CCDC183: variants seen among roughly 807,000 people sequenced by gnomAD.
The protein encoded by CCDC183 is coiled-coil domain containing 183, also known as coiled-coil domain-containing protein 183.
In CCDC183, 63 loss-of-function variants were observed where a neutral mutation model predicts 65.2. The ratio of observed to expected loss-of-function variants is 0.97; its 90% CI spans 0.79 to 1.19. The LOEUF (loss-of-function observed/expected upper bound fraction) is 1.19. CCDC183 is among the 50% of genes most tolerant of loss of function. The pLI, the probability that CCDC183 is intolerant of heterozygous loss-of-function variation, is 0.00. For missense variants in CCDC183, 769 were observed against 689.3 expected (o/e 1.12, Z -1.30); for synonymous variants, 323 against 276.5 (o/e 1.17, Z -1.67).
At position 136,806,584 on chromosome 9, in the gene CCDC183, C is replaced by T. The variant is rs1479389159; in HGVS notation, c.1190C>T (p.Thr397Ile). ...CTCCAGCTGGCGCACAGCAACATGA[C>T]CAAGGGCCAGGAGCTGCTGCTGACC... ...ERLQLAHSNM[T>I]KGQELLLTIQ... Residue 397 changes from threonine to isoleucine, a missense_variant, in exon 11 of 14, where the codon ACC (threonine) becomes ATC (isoleucine). Physicochemically the swap from Thr to Ile is moderately conservative, Grantham distance 89 (BLOSUM62 -1). Transcript: ENST00000338005. 1.2e-6 allele frequency: 2 copies of T among 1,613,584 alleles called. No individual in the cohort carries two copies. The highest frequency in any genetic ancestry group is 1.7e-6 in the Non-Finnish European group (2 of 1,180,020).
chr9:136,804,267 G>A lies in CCDC183; in HGVS notation c.667-235G>A, dbSNP rs376581751. 73 of 524,314 alleles carry A rather than the reference G, an allele frequency of 1.4e-4. 1 individual carries two copies. Among genetic ancestry groups the A allele is most frequent in the East Asian group, 7.7e-4 (22 of 28,492 alleles). The allele number at this position is 524,314 out of a possible 1,614,324, so 32.5% of individuals were successfully genotyped here. A position where few individuals can be genotyped will look rare whatever the true frequency, so the allele number is the denominator to read the frequency against. ...GGCCAGGAGGCAGCTGGGGGCCAGCGGCTGGAGGGCAGCAGAGCGTCTGGG... is the reference window on the plus strand; with the variant it reads ...GGCCAGGAGGCAGCTGGGGGCCAGCAGCTGGAGGGCAGCAGAGCGTCTGGG... On this transcript the variant is annotated intron_variant, in intron 6 of 13. Coordinates refer to ENST00000338005, the MANE Select transcript of CCDC183 (RefSeq NM_001039374.5). The surrounding 1 kb of genome is among the most constrained non-coding windows in gnomAD (Gnocchi z 4.1).
intron 6 of CCDC183, chr9:136,803,848 C>G: frequency 6.4e-6 from 1 of 155,838 alleles, no homozygotes; most frequent in Non-Finnish European, 1.4e-5. Flanking sequence ...CAGGAGTCCA[C>G]GGAGGCGGCT....
chr9:136,807,671 C>A lies in CCDC183; in HGVS notation c.1586C>A (p.Ala529Asp), dbSNP rs1201637901. ...CTAATCGAGGGGAAGCTCAAGGCGG[C>A]CAAGAAAAAGAAGAAGTAGCCCCGC... Reference protein sequence around the residue: ...QRLIEGKLKAAKKKKK With the variant: ...QRLIEGKLKADKKKKK The change falls in exon 14 of 14, where the codon GCC becomes GAC. Residue 529 changes from alanine to aspartate, a missense_variant. Coordinates refer to ENST00000338005, the MANE Select transcript of CCDC183 (RefSeq NM_001039374.5). The A allele has an allele frequency of 6.2e-7, 1 of 1,602,598 alleles. No individual in the cohort carries two copies. The highest frequency in any genetic ancestry group is 8.5e-7 in the Non-Finnish European group (1 of 1,174,852).
In CCDC183 at chr9:136,807,081, A is replaced by G. The variant is rs1847872115; in HGVS notation, c.1486+15A>G. ...GGATATGATCGGTACAGGCCCCGGA[A>G]CTGGGGCCCGGGCTGCAGGCGGGTG... On this transcript the variant is annotated intron_variant, in intron 13 of 13. Transcript: ENST00000338005. 2 of 1,610,732 alleles carry G rather than the reference A, an allele frequency of 1.2e-6. No homozygotes were observed. The highest frequency in any genetic ancestry group is 1.7e-6 in the Non-Finnish European group (2 of 1,178,388).
chr9:136,804,898 C>T lies in CCDC183; in HGVS notation c.847+82C>T. 8.1e-7 allele frequency: 1 copy of T among 1,240,716 alleles called. No homozygotes were observed. The highest frequency in any genetic ancestry group is 2.4e-5 in the East Asian group (1 of 42,388). The allele number at this position is 1,240,716 out of a possible 1,614,324, so 76.9% of individuals were successfully genotyped here. On this transcript the variant is annotated intron_variant, in intron 8 of 13. Coordinates refer to ENST00000338005, the MANE Select transcript of CCDC183 (RefSeq NM_001039374.5). This position sits in a 1 kb window ranked among gnomAD's most constrained non-coding sequence, Gnocchi z 4.1. ...TGATTCAGGCCAACGGATCAAGTCA[C>T]CCTGAGGCCAGGTGTGACATGTGGT... is the stretch of plus-strand genomic sequence containing the variant.
In CCDC183 at chr9:136,804,525, G is replaced by A. The variant is rs11145892; in HGVS notation, c.690G>A (p.Ala230=). The A allele has an allele frequency of 4.8e-3, 7,772 of 1,613,208 alleles. 59 individuals are homozygous for A. The highest frequency in any genetic ancestry group is 0.032 in the African/African-American group (2,417 of 75,022). The stretch of plus-strand genomic sequence containing the variant: ...AGAGGAACATGAGGCAAAGGGAGGC[G>A]TCCTTCATCGAGGAGCGCCGGGCAA... ...EVKRNMRQRE[A]SFIEERRARE... The change falls in exon 7 of 14, where the codon GCG becomes GCA. Residue 230 remains alanine (A), a synonymous_variant. Transcript: ENST00000338005. This position sits in a 1 kb window ranked among gnomAD's most constrained non-coding sequence, Gnocchi z 4.1.
At chr9:136,807,189 T>C in intron 13 of CCDC183, 123 bp downstream of exon 13, 1 of 851,818 alleles carries the variant, frequency 1.2e-6, no homozygotes, top group Non-Finnish European at 1.9e-6. Context: ...GGTGCATCAG[T>C]TGTACCTGCA....
In CCDC183 at chr9:136,803,294, G is replaced by A. The variant is rs949625755; in HGVS notation, c.666+508G>A. On this transcript the variant is annotated intron_variant, in intron 6 of 13. Transcript: ENST00000338005. ...CAGGGCCCAGGGCTGGGGCCCCCCA[G>A]GGCGGGCTCTCTTGTGTCTTCTGGC... Among the ~76,000 whole-genome samples, 22 of 151,948 alleles carry A rather than the reference G, an allele frequency of 1.4e-4. 5 individuals carry two copies. The highest frequency in any genetic ancestry group is 5.1e-4 in the African/African-American group (21 of 41,362).
At chr9:136,798,128 C>T (rs571812579) in intron 1 of CCDC183, among the ~76,000 whole-genome samples, 1 of 152,162 alleles carries the variant, frequency 6.6e-6, no homozygotes, top group Non-Finnish European at 1.5e-5. Context: ...GCCTCAGCCT[C>T]CCGAGTAGCT....
intron 5 of CCDC183, 147 bp from the exon 6 acceptor site, chr9:136,802,517 C>T (rs952570899): frequency 1.4e-4 from 165 of 1,159,150 alleles, no homozygotes; most frequent in Non-Finnish European, 1.7e-4. Context: ...CTTTCATCAC[C>T]GTTGTGCCCA....
At position 136,804,910 on chromosome 9, in the gene CCDC183, G is replaced by A; in HGVS notation, c.847+94G>A. 1 of 1,093,626 alleles carries A rather than the reference G, an allele frequency of 9.1e-7. No homozygotes were observed. The highest frequency in any genetic ancestry group is 2.0e-5 in the Admixed American group (1 of 51,260). The allele number at this position is 1,093,626 out of a possible 1,614,324, so 67.7% of individuals were successfully genotyped here. ...ACGGATCAAGTCACCCTGAGGCCAG[G>A]TGTGACATGTGGTCGCCAGGGTGAA... is the stretch of plus-strand genomic sequence containing the variant. On this transcript the variant is annotated intron_variant, in intron 8 of 13. Transcript: ENST00000338005. This position sits in a 1 kb window ranked among gnomAD's most constrained non-coding sequence, Gnocchi z 4.1.
Position 136,806,814 on chromosome 9 carries a change from G to T in CCDC183, c.1336G>T (p.Gly446Trp), listed in dbSNP as rs1847863440. 3 of 1,613,512 alleles carry T rather than the reference G, an allele frequency of 1.9e-6. No homozygotes were observed. In the Admixed American group the frequency reaches 5.0e-5, roughly 27 times the overall value. Reference protein sequence around the residue: ...DLNSKLAYCEGKLTYLADRVQ... With the variant: ...DLNSKLAYCEWKLTYLADRVQ... ...GAACAGCAAGCTGGCGTACTGCGAG[G>T]GGAAGCTCACGTACCTGGCTGACAG... Residue 446 changes from glycine to tryptophan, a missense_variant, in exon 12 of 14, where the codon GGG becomes TGG. Transcript: ENST00000338005.
Position 136,804,330 on chromosome 9 carries a change from G to A in CCDC183, c.667-172G>A, listed in dbSNP as rs543524712. 193 of 858,140 alleles carry A rather than the reference G, an allele frequency of 2.2e-4. 1 individual carries two copies. Among genetic ancestry groups the A allele is most frequent in the Admixed American group, 4.3e-4 (15 of 34,974 alleles). 53.2% of individuals were successfully genotyped at this position (858,140 alleles called of 1,614,324 possible). On this transcript the variant is annotated intron_variant, in intron 6 of 13. Coordinates refer to ENST00000338005, the MANE Select transcript of CCDC183 (RefSeq NM_001039374.5). The surrounding 1 kb of genome is among the most constrained non-coding windows in gnomAD (Gnocchi z 4.1). ...CTGAGGCATGGGCAAGGAGGGCCGT[G>A]AGCTGAGGGGCCACGGGCACAAGTG... is the stretch of plus-strand genomic sequence containing the variant.
In CCDC183 at chr9:136,806,799, C is replaced by T; in HGVS notation, c.1321C>T (p.Leu441=). 6.2e-7 allele frequency: 1 copy of T among 1,613,690 alleles called. No individual in the cohort carries two copies. Among genetic ancestry groups the T allele is most frequent in the Non-Finnish European group, 8.5e-7 (1 of 1,180,036 alleles). ...LSNTLDLNSK[L]AYCEGKLTYL... ...CAACACCCTCGATTTGAACAGCAAG[C>T]TGGCGTACTGCGAGGGGAAGCTCAC... Residue 441 remains leucine, a synonymous_variant, in exon 12 of 14, where the codon CTG becomes TTG. Coordinates refer to ENST00000338005, the MANE Select transcript of CCDC183 (RefSeq NM_001039374.5).
intron 8 of CCDC183, chr9:136,805,106 C>T (rs756183208): frequency 1.2e-4 from 74 of 592,550 alleles, no homozygotes; most frequent in Non-Finnish European, 1.7e-4. Flanking sequence ...GAAGCACCAC[C>T]GGGCCCACAG....
chr9:136,799,955 G>T (rs1847710560), intron 3 of CCDC183, 47 bp from the exon 4 acceptor site: 1 of 1,552,298 alleles, frequency 6.4e-7, no homozygotes, highest in East Asian at 2.4e-5. Flanking sequence ...GGGCTCCATG[G>T]CGGCCCCCTA....
At chr9:136,800,648 T>C (rs924129756) in intron 5 of CCDC183, 155 bp downstream of exon 5, 21 of 607,468 alleles carry the variant, frequency 3.5e-5, no homozygotes, top group Non-Finnish European at 2.9e-5. Flanking sequence ...GAAAACGTTT[T>C]TTTAAACTTC....
intron 1 of CCDC183, 31 bp from the exon 2 acceptor site, chr9:136,799,071 T>C (rs1328488072): frequency 6.2e-7 from 1 of 1,611,248 alleles, no homozygotes; most frequent in African/African-American, 1.3e-5. Context: ...GGCCCAATCC[T>C]AGCCACTGTG....
intron 4 of CCDC183, 106 bp downstream of exon 4, chr9:136,800,275 T>C: frequency 7.6e-7 from 1 of 1,311,230 alleles, no homozygotes; most frequent in Non-Finnish European, 1.0e-6. Flanking sequence ...TGGGGAGGGC[T>C]CACGGGAGGG....
Sources: allele counts gnomAD v4.1 joint callset (sites outside exome capture counted in the v4.1 genomes callset), GRCh38; gene constraint gnomAD v4.1.1; non-coding constraint Gnocchi (gnomAD v3.1); transcripts MANE v1.5; gene names NCBI Gene and HGNC (gene_info 2026-07-23, HGNC 2026-07-21).